Variants in SLC9A9 observed in about 807,000 individuals in gnomAD.
SLC9A9 encodes sodium/hydrogen exchanger 9.
SLC9A9 carries 62 observed loss-of-function variants against 77.8 expected under a neutral mutation model. The ratio of observed to expected loss-of-function variants is 0.80; its 90% confidence interval spans 0.65 to 0.98. The LOEUF is 0.98. Among genes scored for constraint, SLC9A9 ranks in the 50% least tolerant of loss-of-function variants. SLC9A9 has a pLI of 0.00. For synonymous variants in SLC9A9, 320 were observed against 283.5 expected (o/e 1.13, Z -1.29); for missense variants, 775 against 774.9 (o/e 1.00, Z 0.00).
intron 14 of SLC9A9, among the ~76,000 whole-genome samples, chr3:143,294,782 C>G (rs1031475422): frequency 2.6e-5 from 4 of 152,238 alleles, no homozygotes; most frequent in Non-Finnish European, 4.4e-5. Flanking sequence ...TGCTTAAGGT[C>G]ACACAGCTCA....
intron 9 of SLC9A9, among the ~76,000 whole-genome samples, chr3:143,533,447 C>T (rs1158853310): frequency 6.6e-6 from 1 of 152,058 alleles, no homozygotes; most frequent in Non-Finnish European, 1.5e-5. Flanking sequence ...ATTAATAATT[C>T]CAGAAGTCAT....
intron 14 of SLC9A9, among the ~76,000 whole-genome samples, chr3:143,306,873 C>T (rs1373691715): frequency 6.6e-6 from 1 of 152,202 alleles, no homozygotes; most frequent in Non-Finnish European, 1.5e-5. Flanking sequence ...CTGTTCTAGG[C>T]TTTTCTCAAA....
At chr3:143,782,657 G>GCTA (rs1418783393) in intron 4 of SLC9A9, among the ~76,000 whole-genome samples, 1 of 152,210 alleles carries the variant, frequency 6.6e-6, no homozygotes, top group African/African-American at 2.4e-5. Flanking sequence ...CACCTAAAGA[G>GCTA]CTAGCTCTTG....
At chr3:143,721,223 ATAAT>A (rs1250128962) in intron 4 of SLC9A9, among the ~76,000 whole-genome samples, 1 of 152,138 alleles carries the variant, frequency 6.6e-6, no homozygotes, top group Admixed American at 6.5e-5. Context: ...ATTACCAGGT[ATAAT>A]CTTTGTACCC....
chr3:143,643,721 C>A lies in SLC9A9; in HGVS notation c.755+8534G>T, dbSNP rs184383727. Among the ~76,000 whole-genome samples the A allele has an allele frequency of 1.1e-3, 172 of 152,272 alleles. 1 individual carries two copies. The highest frequency in any genetic ancestry group is 3.8e-3 in the African/African-American group (158 of 41,562). ...ACCTATCATTTTAATCCACCATGTT[C>A]TGAACATTCTAGGATCATGAAATAT... On this transcript the variant is annotated intron_variant, in intron 6 of 15. Coordinates refer to ENST00000316549, the MANE Select transcript of SLC9A9 (RefSeq NM_173653.4).
intron 5 of SLC9A9, among the ~76,000 whole-genome samples, chr3:143,658,777 CAGA>C (rs937385888): frequency 6.6e-6 from 1 of 151,968 alleles, no homozygotes; most frequent in Non-Finnish European, 1.5e-5. Flanking sequence ...AAAAGGTAAC[CAGA>C]AGGTCATGCA....
intron 6 of SLC9A9, among the ~76,000 whole-genome samples, chr3:143,587,599 T>C (rs2037565552): frequency 1.0e-5 from 1 of 97,110 alleles, no homozygotes; most frequent in Admixed American, 9.8e-5. Flanking sequence ...GCCAGGGCCA[T>C]GTCTTATAGA....
At chr3:143,674,428 A>G (rs928396112) in intron 5 of SLC9A9, among the ~76,000 whole-genome samples, 9 of 152,108 alleles carry the variant, frequency 5.9e-5, no homozygotes, top group Non-Finnish European at 1.2e-4. Context: ...CCTAACTGTG[A>G]TCCTTTTATG....
chr3:143,530,171 T>C (rs1246292848), intron 9 of SLC9A9, among the ~76,000 whole-genome samples: 1 of 152,220 alleles, frequency 6.6e-6, no homozygotes, highest in Admixed American at 6.5e-5. Flanking sequence ...TCATGCCTAA[T>C]AAAATATTCA....
chr3:143,612,436 T>G (rs1194463329), intron 6 of SLC9A9, among the ~76,000 whole-genome samples: 1 of 152,178 alleles, frequency 6.6e-6, no homozygotes, highest in Non-Finnish European at 1.5e-5. Flanking sequence ...AGAGCTGGTG[T>G]GACTTGAGCT....
At chr3:143,785,924 T>C (rs1324375468) in intron 4 of SLC9A9, among the ~76,000 whole-genome samples, 1 of 144,230 alleles carries the variant, frequency 6.9e-6, no homozygotes, top group Admixed American at 7.2e-5. Context: ...TGGCGCGATC[T>C]CGACTCACTG....
intron 5 of SLC9A9, among the ~76,000 whole-genome samples, chr3:143,671,256 G>A (rs928917959): frequency 6.6e-6 from 1 of 152,152 alleles, no homozygotes; most frequent in African/African-American, 2.4e-5. Flanking sequence ...ATTGATTCAA[G>A]TACAGCCATT....
chr3:143,713,583 G>A (rs1934254306), intron 4 of SLC9A9, among the ~76,000 whole-genome samples: 1 of 152,212 alleles, frequency 6.6e-6, no homozygotes, highest in South Asian at 2.1e-4. Context: ...GGATGATTGT[G>A]AGAAGTAGTG....
intron 14 of SLC9A9, among the ~76,000 whole-genome samples, chr3:143,324,454 C>T (rs1010613756): frequency 6.6e-6 from 1 of 152,158 alleles, no homozygotes; most frequent in African/African-American, 2.4e-5. Flanking sequence ...CAGCGTGTGC[C>T]TAGGGCTGAG....
intron 4 of SLC9A9, among the ~76,000 whole-genome samples, chr3:143,712,322 A>G (rs746704379): frequency 4.6e-5 from 7 of 152,220 alleles, no homozygotes; most frequent in Non-Finnish European, 1.0e-4. Flanking sequence ...CAGCACAGAA[A>G]GAATAGGTGC....
chr3:143,648,534 A>G (rs539459835), intron 6 of SLC9A9, among the ~76,000 whole-genome samples: 34 of 152,308 alleles, frequency 2.2e-4, no homozygotes, highest in Admixed American at 3.3e-4. Context: ...CTAACAGGCC[A>G]CAGACCAGTG....
At chr3:143,826,226 T>C (rs1390186270) in intron 2 of SLC9A9, among the ~76,000 whole-genome samples, 1 of 150,966 alleles carries the variant, frequency 6.6e-6, no homozygotes, top group African/African-American at 2.5e-5. Flanking sequence ...ACCACTGTAC[T>C]GCAGCCTGGG....
intron 4 of SLC9A9, among the ~76,000 whole-genome samples, chr3:143,757,107 C>T (rs920065668): frequency 5.3e-5 from 8 of 152,094 alleles, no homozygotes; most frequent in African/African-American, 1.4e-4. Flanking sequence ...GTCCCAGGAG[C>T]TGCCCCTTGT....
At chr3:143,486,451 A>C (rs2035654398) in intron 11 of SLC9A9, among the ~76,000 whole-genome samples, 1 of 152,088 alleles carries the variant, frequency 6.6e-6, no homozygotes, top group South Asian at 2.1e-4. Flanking sequence ...TTTCTTTTCT[A>C]TGTGATTTAA....
Sources: allele counts gnomAD v4.1 joint callset (sites outside exome capture counted in the v4.1 genomes callset), GRCh38; gene constraint gnomAD v4.1.1; transcripts MANE v1.5; gene names NCBI Gene and HGNC (gene_info 2026-07-23, HGNC 2026-07-21).